CACNA2D1: variants seen among roughly 807,000 people sequenced by gnomAD.
CACNA2D1 encodes voltage-dependent calcium channel subunit alpha-2/delta-1.
A neutral mutation model predicts 171.5 loss-of-function variants in CACNA2D1; 53 were observed. The observed-to-expected ratio is 0.31, with a 90% CI of 0.25 to 0.39. CACNA2D1 has a LOEUF of 0.39. CACNA2D1 is among the 10% of genes least tolerant of loss of function. The probability of loss-of-function intolerance (pLI) is 1.00; values close to 1 mark genes in which losing one functional copy is unlikely to be tolerated. For synonymous variants in CACNA2D1, 442 were observed against 443.1 expected, an observed-to-expected ratio of 1.00 and a Z score of 0.03; for missense variants, 903 against 1,299.8, an observed-to-expected ratio of 0.69 and a Z score of 4.69.
intron 12 of CACNA2D1, among the ~76,000 whole-genome samples, chr7:82,026,576 A>G (rs1334875435): frequency 6.6e-6 from 1 of 151,732 alleles, no homozygotes; most frequent in East Asian, 1.9e-4. Context: ...ATTATGTAAC[A>G]TTAATTTTGT....
At chr7:82,309,513 T>G (rs1440661953) in intron 3 of CACNA2D1, among the ~76,000 whole-genome samples, 1 of 152,174 alleles carries the variant, frequency 6.6e-6, no homozygotes, top group Non-Finnish European at 1.5e-5. Flanking sequence ...TTAAGGTGTC[T>G]GAGCTACAAT....
At chr7:82,423,921 G>A in intron 1 of CACNA2D1, among the ~76,000 whole-genome samples, 1 of 152,052 alleles carries the variant, frequency 6.6e-6, no homozygotes, top group South Asian at 2.1e-4. Flanking sequence ...AAAACAGTTT[G>A]GAAAGAGTAA....
At chr7:82,321,172 G>C (rs1169411080) in intron 3 of CACNA2D1, among the ~76,000 whole-genome samples, 3 of 152,110 alleles carry the variant, frequency 2.0e-5, no homozygotes, top group Non-Finnish European at 4.4e-5. Context: ...GCCGAGGCAG[G>C]CAGAACATTC....
chr7:82,291,539 A>ATATATATATATATAAATATATATATT lies in CACNA2D1; in HGVS notation c.294+43595_294+43596insAATATATATATTTATATATATATATA, dbSNP rs1563319913. 4.3e-5 allele frequency among the ~76,000 whole-genome samples: 6 copies of ATATATATATATATAAATATATATATT among 137,958 alleles called. No individual in the cohort carries two copies. The East Asian group carries it at 8.1e-4, about 19-fold the overall frequency. The allele number at this position is 137,958 out of a possible 152,430, so 90.5% of individuals were successfully genotyped here. ...ATATATAGATAGATCTATATATGTG[A>ATATATATATATATAAATATATATATT]TATATAGATATATATAAATATATAT... On this transcript the variant is annotated intron_variant, in intron 3 of 38. Transcript: ENST00000356860.
At chr7:82,137,704 T>C (rs1241321106) in intron 4 of CACNA2D1, among the ~76,000 whole-genome samples, 7 of 40,330 alleles carry the variant, frequency 1.7e-4, no homozygotes, top group Non-Finnish European at 2.6e-4. Flanking sequence ...ACTCCGTCTC[T>C]ACTAAAAAAA....
chr7:82,189,155 C>G (rs1226217114), intron 3 of CACNA2D1, among the ~76,000 whole-genome samples: 1 of 151,908 alleles, frequency 6.6e-6, no homozygotes, highest in Non-Finnish European at 1.5e-5. Context: ...TGCACATGTA[C>G]CCTTGAACCT....
At chr7:82,041,709 C>G (rs565195270) in intron 10 of CACNA2D1, among the ~76,000 whole-genome samples, 1 of 152,272 alleles carries the variant, frequency 6.6e-6, no homozygotes, top group East Asian at 1.9e-4. Flanking sequence ...TATCACTCTT[C>G]TATTCTTTGG....
chr7:82,088,113 A>G (rs1200803393), intron 6 of CACNA2D1, among the ~76,000 whole-genome samples: 15 of 151,840 alleles, frequency 9.9e-5, no homozygotes, highest in Admixed American at 9.9e-4. Context: ...TTTGTTTTTA[A>G]CTATTCTGGT....
chr7:82,222,784 C>G (rs1408265650), intron 3 of CACNA2D1, among the ~76,000 whole-genome samples: 1 of 151,778 alleles, frequency 6.6e-6, no homozygotes, highest in Non-Finnish European at 1.5e-5. Flanking sequence ...CTACCACATA[C>G]TAGGTACTAA....
intron 3 of CACNA2D1, among the ~76,000 whole-genome samples, chr7:82,282,082 A>G (rs2129376044): frequency 6.6e-6 from 1 of 152,288 alleles, no homozygotes; most frequent in Middle Eastern, 3.4e-3. Context: ...GGAACACTTG[A>G]GGTCAGAAGT....
intron 11 of CACNA2D1, among the ~76,000 whole-genome samples, chr7:82,037,498 T>C (rs1451285057): frequency 6.6e-6 from 1 of 150,902 alleles, no homozygotes; most frequent in Admixed American, 6.6e-5. Context: ...AAAAGACACA[T>C]GCTATAACAT....
intron 3 of CACNA2D1, among the ~76,000 whole-genome samples, chr7:82,288,389 A>T (rs185017043): frequency 6.6e-6 from 1 of 150,610 alleles, no homozygotes; most frequent in Non-Finnish European, 1.5e-5. Flanking sequence ...TAGAAGGAGC[A>T]CTCACATTAA....
In CACNA2D1 at chr7:82,220,781, C is replaced by CTTTT. The variant is rs71093369; in HGVS notation, c.295-50176_295-50173dup. The stretch of plus-strand genomic sequence containing the variant: ...AGAAAAGTTTCTTTCTTTCTTTTTT[C>CTTTT]TTTTTTTTTTTTTTTGAGATGGAAT... On this transcript the variant is annotated intron_variant, in intron 3 of 38. Coordinates refer to ENST00000356860, the MANE Select transcript of CACNA2D1 (RefSeq NM_000722.4). Among the ~76,000 whole-genome samples, 155 of 134,420 alleles carry CTTTT rather than the reference C, an allele frequency of 1.2e-3. 3 individuals are homozygous for CTTTT. The East Asian group carries it at 0.024, about 21-fold the overall frequency. 88.2% of individuals were successfully genotyped at this position (134,420 alleles called of 152,430 possible). A position where few individuals can be genotyped will look rare whatever the true frequency, so the allele number is the denominator to read the frequency against.
At chr7:82,026,312 A>G (rs1000605933) in intron 12 of CACNA2D1, among the ~76,000 whole-genome samples, 3 of 151,020 alleles carry the variant, frequency 2.0e-5, no homozygotes, top group African/African-American at 4.9e-5. Context: ...AAATTTATTA[A>G]TGTCATTTTG....
At chr7:82,263,622 T>A (rs1357633668) in intron 3 of CACNA2D1, among the ~76,000 whole-genome samples, 3 of 152,128 alleles carry the variant, frequency 2.0e-5, no homozygotes, top group African/African-American at 7.2e-5. Context: ...AGTAACATAT[T>A]CCACTTAGAG....
At position 82,083,391 on chromosome 7, in the gene CACNA2D1, C is replaced by T. The variant is rs529825458; in HGVS notation, c.658+1378G>A. 8.5e-4 allele frequency among the ~76,000 whole-genome samples: 129 copies of T among 151,688 alleles called. 1 individual carries two copies. Among genetic ancestry groups the T allele is most frequent in the African/African-American group, 2.9e-3 (121 of 41,422 alleles). ...GGTTTATTACATCAGGTTTATTATGCGCATGAGCAGTGTTGTCTTTTTCCT... is the reference window on the plus strand; with the variant it reads ...GGTTTATTACATCAGGTTTATTATGTGCATGAGCAGTGTTGTCTTTTTCCT... On this transcript the variant is annotated intron_variant, in intron 7 of 38. Coordinates refer to ENST00000356860, the MANE Select transcript of CACNA2D1 (RefSeq NM_000722.4).
chr7:82,374,671 CT>C (rs1822804673), intron 1 of CACNA2D1, among the ~76,000 whole-genome samples: 2 of 151,746 alleles, frequency 1.3e-5, no homozygotes, highest in Non-Finnish European at 2.9e-5. Context: ...ATAATAAAAG[CT>C]TTTTATACAG....
chr7:81,969,815 G>A (rs572099544), intron 28 of CACNA2D1, 66 bp downstream of exon 28: 110 of 846,620 alleles, frequency 1.3e-4, no homozygotes, highest in Middle Eastern at 6.0e-4. Context: ...TGGGGGGAGA[G>A]CAGATAGTAG....
At chr7:82,364,950 A>G (rs1440119512) in intron 1 of CACNA2D1, among the ~76,000 whole-genome samples, 2 of 152,198 alleles carry the variant, frequency 1.3e-5, no homozygotes, top group Non-Finnish European at 2.9e-5. Flanking sequence ...TAGGAAACCC[A>G]GGGGAAATAA....
Sources: allele counts gnomAD v4.1 joint callset (sites outside exome capture counted in the v4.1 genomes callset), GRCh38; gene constraint gnomAD v4.1.1; transcripts MANE v1.5; gene names NCBI Gene and HGNC (gene_info 2026-07-23, HGNC 2026-07-21).